Variants in DGKE observed in about 807,000 individuals in gnomAD.
The protein encoded by DGKE is diacylglycerol kinase epsilon.
A neutral mutation model predicts 70.0 loss-of-function variants in DGKE; 53 were observed. The observed-to-expected ratio is 0.76, with a 90% CI of 0.61 to 0.95. The LOEUF is 0.95. Ranked by LOEUF, DGKE falls within the 40% of genes least tolerant of loss-of-function variation. The probability of loss-of-function intolerance (pLI) is 0.00; values close to 1 mark genes in which losing one functional copy is unlikely to be tolerated. For synonymous variants in DGKE, 291 were observed against 257.0 expected (o/e 1.13, Z -1.27); for missense variants, 655 against 706.9 (o/e 0.93, Z 0.83).
At chr17:56,848,643 T>C (rs1907457386) in intron 5 of DGKE, 53 bp from the exon 6 acceptor site, 7 of 1,574,532 alleles carry the variant, frequency 4.4e-6, no homozygotes, top group South Asian at 1.1e-5. Flanking sequence ...AAAATATTAT[T>C]ACCCAGCAAA....
At chr17:56,835,543 C>A (rs1567807907) in intron 2 of DGKE, 1 of 464,438 alleles carries the variant, frequency 2.2e-6, no homozygotes, top group African/African-American at 2.0e-5. Flanking sequence ...GTGCCTGCTT[C>A]ATGGCCACTG....
At chr17:56,859,666 A>C (rs1218856485) in intron 9 of DGKE, among the ~76,000 whole-genome samples, 3 of 151,982 alleles carry the variant, frequency 2.0e-5, no homozygotes, top group Non-Finnish European at 4.4e-5. Context: ...GATCTGCCCG[A>C]CTCAGCCTCC....
chr17:56,839,268 C>T (rs1463381587), intron 2 of DGKE, among the ~76,000 whole-genome samples: 1 of 152,000 alleles, frequency 6.6e-6, no homozygotes, highest in African/African-American at 2.4e-5. Flanking sequence ...ATTCATTTTG[C>T]TATCCTTTTG....
chr17:56,859,576 C>T (rs1423588804), intron 9 of DGKE, among the ~76,000 whole-genome samples: 17 of 151,820 alleles, frequency 1.1e-4, no homozygotes, highest in East Asian at 2.0e-4. Flanking sequence ...CCCACCACTA[C>T]GCCCGGCTAA....
intron 7 of DGKE, among the ~76,000 whole-genome samples, chr17:56,851,211 TAGA>T (rs767299509): frequency 8.5e-5 from 13 of 152,076 alleles, no homozygotes; most frequent in Admixed American, 1.3e-4. Flanking sequence ...GTTCTGAAAA[TAGA>T]AGGAGTGAGC....
chr17:56,846,382 G>C (rs962286712), intron 4 of DGKE: 1 of 152,200 alleles, frequency 6.6e-6, no homozygotes, highest in African/African-American at 2.4e-5. Context: ...TGTAGAGGTA[G>C]AGAATAGATT....
intron 2 of DGKE, among the ~76,000 whole-genome samples, chr17:56,840,799 A>G (rs1418955282): frequency 6.6e-6 from 1 of 152,008 alleles, no homozygotes; most frequent in African/African-American, 2.4e-5. Context: ...GAGGGGGGGG[A>G]ATAACTATAG....
At position 56,858,665 on chromosome 17, in the gene DGKE, G is replaced by C. The variant is rs761319737; in HGVS notation, c.1284G>C (p.Glu428Asp). The change falls in exon 9 of 12, where the codon GAG becomes GAC. Residue 428 changes from glutamate (E) to aspartate (D), a missense_variant and splice_region_variant. By Grantham distance (45) the Glu-to-Asp change is conservative (BLOSUM62 2). Transcript: ENST00000284061. ...GTAAAGATTTGAATAAAAAAGTTGA[G>C]GTAAGCTATTAACACTTTTTATTTT... The part of the protein sequence containing the change: ...QECKDLNKKV[E>D]LELDGERVAL... 6.3e-7 allele frequency: 1 copy of C among 1,596,200 alleles called. No homozygotes were observed. The highest frequency in any genetic ancestry group is 8.5e-7 in the Non-Finnish European group (1 of 1,170,920).
chr17:56,838,445 A>G (rs1241957934), intron 2 of DGKE: 2 of 152,254 alleles, frequency 1.3e-5, no homozygotes, highest in Non-Finnish European at 2.9e-5. Context: ...CCATAGTTGC[A>G]GTGCAAAACC....
Position 56,863,868 on chromosome 17 carries a change from G to T in DGKE, c.*1077G>T, listed in dbSNP as rs1211651703. ...CTGTGTTTAGTGTTTACGTTCTGTAGCTTTATTTAATAAGTTAAATTGATC... is the reference window on the plus strand; with the variant it reads ...CTGTGTTTAGTGTTTACGTTCTGTATCTTTATTTAATAAGTTAAATTGATC... On this transcript the variant is annotated 3_prime_UTR_variant, in exon 12 of 12. Coordinates refer to ENST00000284061, the MANE Select transcript of DGKE (RefSeq NM_003647.3). 6.6e-6 allele frequency: 1 copy of T among 152,100 alleles called. No homozygotes were observed. Among genetic ancestry groups the T allele is most frequent in the Non-Finnish European group, 1.5e-5 (1 of 68,000 alleles). 9.4% of individuals were successfully genotyped at this position (152,100 alleles called of 1,614,324 possible). A position where few individuals can be genotyped will look rare whatever the true frequency, so the allele number is the denominator to read the frequency against.
intron 9 of DGKE, among the ~76,000 whole-genome samples, chr17:56,859,710 G>A (rs1169707389): frequency 2.0e-5 from 3 of 152,072 alleles, no homozygotes; most frequent in African/African-American, 7.2e-5. Context: ...AAGCCACCGC[G>A]CCCAGCCAGA....
At chr17:56,839,776 C>T (rs1200048883) in intron 2 of DGKE, among the ~76,000 whole-genome samples, 1 of 152,210 alleles carries the variant, frequency 6.6e-6, no homozygotes, top group African/African-American at 2.4e-5. Flanking sequence ...GCATCTTGGC[C>T]TCCCAAAGTG....
In DGKE at chr17:56,846,923, A is replaced by T. The variant is rs570388928; in HGVS notation, c.745-999A>T. Among the ~76,000 whole-genome samples, 8 of 152,286 alleles carry T rather than the reference A, an allele frequency of 5.3e-5. 1 individual carries two copies. The highest frequency in any genetic ancestry group is 5.2e-4 in the Admixed American group (8 of 15,294). On this transcript the variant is annotated intron_variant, in intron 4 of 11. Transcript: ENST00000284061. Reference sequence around the variant, plus strand: ...CTGATTTTTTTAATTTTAATGGTATAAATATTTTTCCTTGTTTCAACATAG... The same window carrying T: ...CTGATTTTTTTAATTTTAATGGTATTAATATTTTTCCTTGTTTCAACATAG...
At chr17:56,838,306 A>C (rs1906756894) in intron 2 of DGKE, among the ~76,000 whole-genome samples, 1 of 152,228 alleles carries the variant, frequency 6.6e-6, no homozygotes, top group African/African-American at 2.4e-5. Flanking sequence ...TATTCATTTC[A>C]TTAATTATCT....
chr17:56,856,709 A>G, intron 8 of DGKE, 84 bp downstream of exon 8: 1 of 1,451,414 alleles, frequency 6.9e-7, no homozygotes, highest in East Asian at 2.5e-5. Flanking sequence ...GCACTCCTAG[A>G]TTCAGATTTA....
chr17:56,847,290 T>A (rs888145055), intron 4 of DGKE: 1 of 152,030 alleles, frequency 6.6e-6, no homozygotes, highest in Non-Finnish European at 1.5e-5. Context: ...CACATTGTGG[T>A]TTATGTGAAC....
intron 2 of DGKE, among the ~76,000 whole-genome samples, chr17:56,840,419 A>G (rs1330892156): frequency 6.6e-6 from 1 of 152,104 alleles, no homozygotes; most frequent in Non-Finnish European, 1.5e-5. Context: ...TCTGTCGCTC[A>G]GGTTGCAGTG....
intron 2 of DGKE, among the ~76,000 whole-genome samples, chr17:56,841,260 A>AAG (rs1375992024): frequency 5.3e-5 from 8 of 151,448 alleles, no homozygotes; most frequent in Non-Finnish European, 8.8e-5. Flanking sequence ...TCAAAAAAAA[A>AAG]AAAAAATTTT....
rs575745758 is a variant in DGKE, at chr17:56,837,191, C to A, written c.464+1932C>A. 4.9e-3 allele frequency among the ~76,000 whole-genome samples: 739 copies of A among 152,178 alleles called. 4 individuals carry two copies. Among genetic ancestry groups the A allele is most frequent in the African/African-American group, 0.017 (702 of 41,544 alleles). ...AAAAAGTTTCTCTGAAATTCAAATT[C>A]AACTAGGCATTGCCGTTTTTTTGTT... On this transcript the variant is annotated intron_variant, in intron 2 of 11. Coordinates refer to ENST00000284061, the MANE Select transcript of DGKE (RefSeq NM_003647.3).
Sources: allele counts gnomAD v4.1 joint callset (sites outside exome capture counted in the v4.1 genomes callset), GRCh38; gene constraint gnomAD v4.1.1; transcripts MANE v1.5; gene names NCBI Gene and HGNC (gene_info 2026-07-23, HGNC 2026-07-21).